The following AGBL3 variants were observed in gnomAD, a reference collection of about 807,000 sequenced individuals.
AGBL3 encodes the protein AGBL carboxypeptidase 3, also known as cytosolic carboxypeptidase 3.
Under a neutral mutation model 94.5 loss-of-function variants are expected in AGBL3, and 68 were observed. The observed-to-expected ratio is 0.72, with a 90% confidence interval of 0.59 to 0.88. The LOEUF (loss-of-function observed/expected upper bound fraction) is 0.88. Ranked by LOEUF, AGBL3 falls within the 40% of genes least tolerant of loss-of-function variation. The probability of loss-of-function intolerance (pLI) is 0.00; values close to 1 mark genes in which losing one functional copy is unlikely to be tolerated. For missense variants in AGBL3, 934 were observed against 1,103.8 expected (o/e 0.85, Z 2.18); for synonymous variants, 354 against 370.7 (o/e 0.95, Z 0.52).
chr7:135,015,095 T>C (rs1361107457), intron 4 of AGBL3, among the ~76,000 whole-genome samples: 1 of 152,206 alleles, frequency 6.6e-6, no homozygotes, highest in East Asian at 1.9e-4. Flanking sequence ...CTGCAAAATC[T>C]ATCACTGAAT....
intron 4 of AGBL3, 104 bp from the exon 5 acceptor site, chr7:135,016,948 C>T (rs1375721328): frequency 7.9e-6 from 6 of 755,050 alleles, no homozygotes; most frequent in East Asian, 2.7e-5. Flanking sequence ...CAAAACACTA[C>T]ATTTTAGCCT....
At chr7:135,017,669 T>C (rs1813962308) in intron 5 of AGBL3, among the ~76,000 whole-genome samples, 1 of 151,022 alleles carries the variant, frequency 6.6e-6, no homozygotes, top group African/African-American at 2.4e-5. Context: ...TAAGGAAGTA[T>C]AGACTCCACA....
intron 15 of AGBL3, among the ~76,000 whole-genome samples, chr7:135,082,357 T>C (rs1820991617): frequency 1.3e-5 from 2 of 152,192 alleles, no homozygotes; most frequent in Non-Finnish European, 2.9e-5. Flanking sequence ...AGCTGTCATT[T>C]ATTTCCCTGA....
chr7:135,118,497 A>C (rs966017357), intron 16 of AGBL3, among the ~76,000 whole-genome samples: 6 of 152,160 alleles, frequency 3.9e-5, no homozygotes, highest in Non-Finnish European at 8.8e-5. Context: ...TCCATCTTGC[A>C]GTAATGAGGT....
At chr7:135,010,937 C>T (rs547742541) in intron 4 of AGBL3, 91 of 152,066 alleles carry the variant, frequency 6.0e-4, no homozygotes, top group African/African-American at 2.0e-3. Context: ...AGTCAAAATC[C>T]CAATTGTGAT....
chr7:135,029,965 T>C (rs1014193485), intron 5 of AGBL3, among the ~76,000 whole-genome samples: 2 of 152,134 alleles, frequency 1.3e-5, no homozygotes, highest in Non-Finnish European at 2.9e-5. Context: ...TTCACCATTT[T>C]ATATGGGTGC....
chr7:135,092,917 A>T (rs996450125), intron 15 of AGBL3: 41 of 152,108 alleles, frequency 2.7e-4, no homozygotes, highest in African/African-American at 9.6e-4. Flanking sequence ...TAGAATATAA[A>T]GAAAAAGGCA....
chr7:135,017,295 A>G (rs568428262), intron 5 of AGBL3, 136 bp downstream of exon 5: 5 of 671,416 alleles, frequency 7.4e-6, no homozygotes, highest in African/African-American at 1.8e-5. Context: ...TTGTTTATAT[A>G]TTGATCCAAG....
intron 4 of AGBL3, among the ~76,000 whole-genome samples, chr7:135,013,562 A>G (rs1465073147): frequency 6.6e-6 from 1 of 152,216 alleles, no homozygotes; most frequent in Non-Finnish European, 1.5e-5. Flanking sequence ...CAAATTGGTG[A>G]TCAGTATATA....
At chr7:135,059,369 T>A (rs572904363) in intron 12 of AGBL3, 134 bp downstream of exon 12, 1 of 521,106 alleles carries the variant, frequency 1.9e-6, no homozygotes, top group Non-Finnish European at 3.3e-6. Flanking sequence ...TATGTAGATA[T>A]TTTAAATCAT....
chr7:135,038,244 T>G (rs1390106048), intron 8 of AGBL3, among the ~76,000 whole-genome samples: 1 of 137,458 alleles, frequency 7.3e-6, no homozygotes, highest in African/African-American at 2.6e-5. Flanking sequence ...GAACTAATTG[T>G]CTTTTGGGGA....
intron 15 of AGBL3, among the ~76,000 whole-genome samples, chr7:135,086,723 G>C (rs912000868): frequency 6.6e-6 from 1 of 151,908 alleles, no homozygotes. Context: ...ATGTGCTGCT[G>C]GGTTTAGGAG....
In AGBL3 at chr7:135,081,773, T is replaced by C; in HGVS notation, c.2093T>C (p.Leu698Ser). 1 of 1,536,746 alleles carries C rather than the reference T, an allele frequency of 6.5e-7. No homozygotes were observed. The highest frequency in any genetic ancestry group is 8.8e-7 in the Non-Finnish European group (1 of 1,136,954). Reference sequence around the variant, plus strand: ...ATGGTTGATTATTTCAGAAGACAATTACCTAATCAAGGTTTGGGTGAGTAA... The same window carrying C: ...ATGGTTGATTATTTCAGAAGACAATCACCTAATCAAGGTTTGGGTGAGTAA... ...DYMVDYFRRQLPNQGLDLHHN... is the reference protein window; with the variant it reads ...DYMVDYFRRQSPNQGLDLHHN... Residue 698 changes from leucine to serine, a missense_variant, in exon 15 of 17, where the codon TTA (leucine) becomes TCA (serine). By Grantham distance (145) the Leu-to-Ser change is moderately radical. Around this residue, in one of 3 missense-constraint regions of AGBL3, gnomAD observed 441 missense variants for 518.2 expected, o/e 0.85. Transcript: ENST00000436302.
chr7:135,120,200 A>C (rs1826944020), intron 16 of AGBL3, among the ~76,000 whole-genome samples: 2 of 152,226 alleles, frequency 1.3e-5, no homozygotes, highest in Admixed American at 6.5e-5. Flanking sequence ...GCAAAAATAC[A>C]GGTAGATATA....
chr7:135,010,630 T>C (rs972788998), intron 4 of AGBL3: 5 of 152,168 alleles, frequency 3.3e-5, no homozygotes, highest in African/African-American at 9.7e-5. Flanking sequence ...GGAGGAAATA[T>C]AAGTATTTGG....
chr7:135,128,445 G>T, intron 16 of AGBL3: 6 of 691,840 alleles, frequency 8.7e-6, no homozygotes, highest in Non-Finnish European at 1.6e-5. Flanking sequence ...AAAATTAAAT[G>T]TCAGAAGACC....
At chr7:135,015,217 A>T (rs536396082) in intron 4 of AGBL3, among the ~76,000 whole-genome samples, 1 of 152,302 alleles carries the variant, frequency 6.6e-6, no homozygotes, top group African/African-American at 2.4e-5. Context: ...GCTTAATTTC[A>T]AGCCAAAATC....
intron 4 of AGBL3, among the ~76,000 whole-genome samples, chr7:135,006,871 G>A (rs1195007077): frequency 6.6e-6 from 1 of 151,826 alleles, no homozygotes; most frequent in Non-Finnish European, 1.5e-5. Flanking sequence ...AGACTAAGAG[G>A]ATGTAATTAT....
chr7:135,043,344 G>A (rs1817045794), intron 8 of AGBL3, among the ~76,000 whole-genome samples: 1 of 152,050 alleles, frequency 6.6e-6, no homozygotes. Context: ...AATAAGCTAG[G>A]GACAGAAAGA....
Sources: gnomAD v4.1 joint callset for allele counts (sites outside exome capture counted in the v4.1 genomes callset) on GRCh38, gnomAD v4.1.1 for gene constraint, gnomAD v4.1.1 regional missense constraint, MANE v1.5 for transcripts, NCBI Gene and HGNC (gene_info 2026-07-23, HGNC 2026-07-21) for gene names.